ATP8B4: variants seen among roughly 807,000 people sequenced by gnomAD.
The protein encoded by ATP8B4 is probable phospholipid-transporting ATPase IM.
A neutral mutation model predicts 145.6 loss-of-function variants in ATP8B4; 133 were observed. The ratio of observed to expected loss-of-function variants is 0.91; its 90% CI spans 0.79 to 1.05. The LOEUF (loss-of-function observed/expected upper bound fraction) is 1.05, where lower values mean the gene tolerates loss of function less well. ATP8B4 is among the 50% of genes least tolerant of loss of function. The pLI, the probability that ATP8B4 is intolerant of heterozygous loss-of-function variation, is 0.00. For missense variants in ATP8B4, 1,458 were observed against 1,425.2 expected (o/e 1.02, Z -0.37); for synonymous variants, 507 against 492.9 (o/e 1.03, Z -0.38).
At chr15:49,949,025 A>C (rs559165142) in intron 14 of ATP8B4, among the ~76,000 whole-genome samples, 1 of 152,056 alleles carries the variant, frequency 6.6e-6, no homozygotes, top group East Asian at 1.9e-4. Flanking sequence ...CCATTAGTCT[A>C]TATGTTTGTT....
chr15:49,917,858 T>C (rs930865706), intron 19 of ATP8B4, among the ~76,000 whole-genome samples: 3 of 152,114 alleles, frequency 2.0e-5, no homozygotes, highest in Non-Finnish European at 4.4e-5. Context: ...AGCTAAATAA[T>C]AGTAAACTCA....
chr15:49,995,666 A>G (rs1312965847), intron 9 of ATP8B4, among the ~76,000 whole-genome samples: 2 of 152,152 alleles, frequency 1.3e-5, no homozygotes, highest in African/African-American at 4.8e-5. Context: ...CTGTGCTTTA[A>G]CTCATGTGAT....
chr15:49,871,283 C>T (rs551927783), intron 25 of ATP8B4, among the ~76,000 whole-genome samples: 33 of 152,258 alleles, frequency 2.2e-4, no homozygotes, highest in African/African-American at 1.9e-4. Flanking sequence ...GTTTCCTTTA[C>T]GCTCAGTATA....
chr15:50,141,898 A>G (rs1381487917), intron 1 of ATP8B4, among the ~76,000 whole-genome samples: 2 of 152,184 alleles, frequency 1.3e-5, no homozygotes, highest in African/African-American at 2.4e-5. Flanking sequence ...TCTGCACAGC[A>G]CTGTGAGAGA....
At chr15:49,866,605 G>A (rs1598784348) in intron 25 of ATP8B4, 121 bp from the exon 26 acceptor site, 1 of 1,168,850 alleles carries the variant, frequency 8.6e-7, no homozygotes. Context: ...TAGTTGCCAA[G>A]CCAACCGCGG....
At chr15:50,060,631 C>T (rs370419835) in intron 3 of ATP8B4, among the ~76,000 whole-genome samples, 26 of 152,112 alleles carry the variant, frequency 1.7e-4, no homozygotes, top group East Asian at 1.3e-3. Flanking sequence ...ATACTTTCCC[C>T]GCCCCGCCCC....
intron 14 of ATP8B4, among the ~76,000 whole-genome samples, chr15:49,941,766 A>T (rs1259585795): frequency 6.6e-6 from 1 of 152,218 alleles, no homozygotes; most frequent in Non-Finnish European, 1.5e-5. Context: ...ACAATGCACA[A>T]TTGCAAAGAT....
intron 3 of ATP8B4, among the ~76,000 whole-genome samples, chr15:50,049,381 A>G (rs945604587): frequency 6.6e-6 from 1 of 152,180 alleles, no homozygotes; most frequent in African/African-American, 2.4e-5. Context: ...GCCCCCACTC[A>G]TAAGTGAGAA....
intron 6 of ATP8B4, among the ~76,000 whole-genome samples, chr15:50,018,539 A>C (rs887354775): frequency 6.6e-6 from 1 of 152,212 alleles, no homozygotes; most frequent in African/African-American, 2.4e-5. Flanking sequence ...GAGTATATGG[A>C]TATCTTCCCG....
At chr15:50,064,625 A>G (rs1362753155) in intron 3 of ATP8B4, among the ~76,000 whole-genome samples, 1 of 152,170 alleles carries the variant, frequency 6.6e-6, no homozygotes, top group Non-Finnish European at 1.5e-5. Context: ...CTTTTGTAAT[A>G]AACCTGCAAA....
At chr15:49,956,967 A>G (rs1252402306) in intron 14 of ATP8B4, among the ~76,000 whole-genome samples, 1 of 152,224 alleles carries the variant, frequency 6.6e-6, no homozygotes, top group Non-Finnish European at 1.5e-5. Flanking sequence ...AAATATCTTT[A>G]GCTGAAGGAA....
chr15:49,936,871 C>A (rs970679459), intron 14 of ATP8B4, among the ~76,000 whole-genome samples: 1 of 151,636 alleles, frequency 6.6e-6, no homozygotes, highest in Non-Finnish European at 1.5e-5. Context: ...CTGGGAGAGT[C>A]TCTTGACTTA....
chr15:49,883,066 G>T (rs992457665), intron 23 of ATP8B4: 7 of 152,212 alleles, frequency 4.6e-5, no homozygotes, highest in African/African-American at 1.7e-4. Flanking sequence ...TCTGGGAGAA[G>T]GATCTAAGTT....
intron 25 of ATP8B4, among the ~76,000 whole-genome samples, chr15:49,868,320 C>G (rs2033135070): frequency 6.6e-6 from 1 of 152,192 alleles, no homozygotes; most frequent in South Asian, 2.1e-4. Flanking sequence ...AAGACTGACT[C>G]AAGGATCTTA....
At chr15:49,953,956 G>C (rs948483919) in intron 14 of ATP8B4, among the ~76,000 whole-genome samples, 1 of 152,172 alleles carries the variant, frequency 6.6e-6, no homozygotes, top group African/African-American at 2.4e-5. Flanking sequence ...CTCTCAGGTA[G>C]GCCGCCCACC....
At chr15:49,868,010 C>T (rs988721350) in intron 25 of ATP8B4, among the ~76,000 whole-genome samples, 2 of 152,106 alleles carry the variant, frequency 1.3e-5, no homozygotes, top group East Asian at 3.8e-4. Flanking sequence ...AGATCTATGA[C>T]TCCAATATAC....
intron 23 of ATP8B4, among the ~76,000 whole-genome samples, chr15:49,885,056 A>G (rs2036014250): frequency 2.0e-5 from 3 of 152,160 alleles, no homozygotes; most frequent in Admixed American, 2.0e-4. Flanking sequence ...ATGGTTTTCC[A>G]TTTTACTTGG....
intron 6 of ATP8B4, among the ~76,000 whole-genome samples, chr15:50,028,302 T>C (rs139569036): frequency 0.013 from 2,032 of 152,272 alleles, 19 homozygotes; most frequent in Non-Finnish European, 0.019. Context: ...TTGTCAAAGA[T>C]CAGTAAGCAG....
intron 20 of ATP8B4, among the ~76,000 whole-genome samples, chr15:49,909,478 G>A (rs995783922): frequency 1.3e-5 from 2 of 152,014 alleles, no homozygotes; most frequent in African/African-American, 4.8e-5. Context: ...TGTTTCTACT[G>A]CTGTCACCTG....
Sources: allele counts gnomAD v4.1 joint callset (sites outside exome capture counted in the v4.1 genomes callset), GRCh38; gene constraint gnomAD v4.1.1; transcripts MANE v1.5; gene names NCBI Gene and HGNC (gene_info 2026-07-23, HGNC 2026-07-21).